GALNT10: variants seen among roughly 807,000 people sequenced by gnomAD.
The protein encoded by GALNT10 is polypeptide N-acetylgalactosaminyltransferase 10.
In GALNT10, 41 loss-of-function variants were observed where a neutral mutation model predicts 75.0. That is an observed-to-expected ratio of 0.55 (90% confidence interval 0.43 to 0.71). The LOEUF (loss-of-function observed/expected upper bound fraction) is 0.71, where lower values mean the gene tolerates loss of function less well. Among genes scored for constraint, GALNT10 ranks in the 30% least tolerant of loss-of-function variants. The pLI is 0.00. For missense variants in GALNT10, 727 were observed against 818.5 expected (o/e 0.89, Z 1.36); for synonymous variants, 302 against 313.0 (o/e 0.96, Z 0.37).
At chr5:154,283,220 G>A (rs925311786) in intron 1 of GALNT10, among the ~76,000 whole-genome samples, 10 of 143,930 alleles carry the variant, frequency 6.9e-5, no homozygotes, top group African/African-American at 2.1e-4. Flanking sequence ...CAGGTGGGAC[G>A]ATCACCTAAG....
chr5:154,278,381 G>A (rs1327604664), intron 1 of GALNT10, among the ~76,000 whole-genome samples: 1 of 152,158 alleles, frequency 6.6e-6, no homozygotes, highest in Non-Finnish European at 1.5e-5. Flanking sequence ...ATAAACTTGT[G>A]AAATGCTGGA....
chr5:154,300,128 G>T (rs1235976681), intron 3 of GALNT10, among the ~76,000 whole-genome samples: 1 of 152,106 alleles, frequency 6.6e-6, no homozygotes, highest in Admixed American at 6.5e-5. Flanking sequence ...GAGCCACCGT[G>T]CCTGGCCAAG....
At chr5:154,237,036 T>C (rs1419778898) in intron 1 of GALNT10, among the ~76,000 whole-genome samples, 1 of 152,142 alleles carries the variant, frequency 6.6e-6, no homozygotes, top group African/African-American at 2.4e-5. Context: ...AGCCGTGAGA[T>C]TGGCAAAGAT....
intron 4 of GALNT10, among the ~76,000 whole-genome samples, chr5:154,358,169 T>C (rs1755325113): frequency 6.6e-6 from 1 of 152,144 alleles, no homozygotes; most frequent in South Asian, 2.1e-4. Flanking sequence ...TGGGAGGGAA[T>C]TGTGTGTAGC....
intron 1 of GALNT10, among the ~76,000 whole-genome samples, chr5:154,201,845 T>C (rs750259692): frequency 6.6e-6 from 1 of 151,850 alleles, no homozygotes; most frequent in Non-Finnish European, 1.5e-5. Context: ...AGGAGAATCA[T>C]TTGAAGCTGG....
intron 3 of GALNT10, among the ~76,000 whole-genome samples, chr5:154,311,230 T>C (rs1754511641): frequency 1.3e-5 from 2 of 152,214 alleles, no homozygotes; most frequent in Admixed American, 1.3e-4. Flanking sequence ...ATTTGTCGAG[T>C]GCTCCTATTT....
At chr5:154,326,253 TG>T (rs1485851789) in intron 3 of GALNT10, among the ~76,000 whole-genome samples, 1 of 152,148 alleles carries the variant, frequency 6.6e-6, no homozygotes, top group African/African-American at 2.4e-5. Context: ...TAGCAAGAAT[TG>T]GTGAGGATGT....
At chr5:154,329,327 C>A in intron 3 of GALNT10, 1 of 478,964 alleles carries the variant, frequency 2.1e-6, no homozygotes, top group East Asian at 3.3e-5. Context: ...CATGAAATCA[C>A]AACTATTCAA....
intron 4 of GALNT10, among the ~76,000 whole-genome samples, chr5:154,339,450 A>C (rs1180056134): frequency 6.6e-6 from 1 of 151,176 alleles, no homozygotes; most frequent in African/African-American, 2.5e-5. Context: ...TTTGGTGGAC[A>C]TCTGGTAGAA....
At chr5:154,361,981 G>T (rs941476385) in intron 4 of GALNT10, among the ~76,000 whole-genome samples, 4 of 152,074 alleles carry the variant, frequency 2.6e-5, no homozygotes, top group African/African-American at 7.3e-5. Flanking sequence ...GTCATCTATG[G>T]CTCCACCCAG....
chr5:154,239,202 CTT>C (rs1299246252), intron 1 of GALNT10, among the ~76,000 whole-genome samples: 1 of 152,100 alleles, frequency 6.6e-6, no homozygotes, highest in Non-Finnish European at 1.5e-5. Flanking sequence ...TAAGTACTGT[CTT>C]TATTTATAGT....
chr5:154,313,624 C>T (rs1754556665), intron 3 of GALNT10, among the ~76,000 whole-genome samples: 2 of 152,174 alleles, frequency 1.3e-5, no homozygotes, highest in Non-Finnish European at 1.5e-5. Context: ...TGGCAAAGGG[C>T]TTTCATAAAG....
intron 4 of GALNT10, among the ~76,000 whole-genome samples, chr5:154,344,894 T>C (rs1372719477): frequency 6.6e-6 from 1 of 152,150 alleles, no homozygotes. Flanking sequence ...GTGCTCCACC[T>C]TCAGGGAGCA....
intron 1 of GALNT10, among the ~76,000 whole-genome samples, chr5:154,274,437 A>T (rs1374570605): frequency 6.6e-6 from 1 of 152,214 alleles, no homozygotes; most frequent in Non-Finnish European, 1.5e-5. Flanking sequence ...TGTAAAAAGG[A>T]GAACTACTAG....
intron 2 of GALNT10, 104 bp from the exon 3 acceptor site, chr5:154,297,837 A>G: frequency 9.6e-7 from 1 of 1,042,858 alleles, no homozygotes; most frequent in Non-Finnish European, 1.4e-6. Context: ...ATCCAAATCA[A>G]GTTTTATCTT....
intron 1 of GALNT10, among the ~76,000 whole-genome samples, chr5:154,260,193 AAG>A (rs1753682020): frequency 1.3e-5 from 2 of 152,178 alleles, no homozygotes; most frequent in South Asian, 4.1e-4. Flanking sequence ...CAGAAAATAA[AAG>A]AGAGAGACAG....
Position 154,190,926 on chromosome 5 carries a change from C to A in GALNT10, c.60C>A (p.Val20=). The change falls in exon 1 of 12, where the codon GTC becomes GTA. Residue 20 remains valine (V), a synonymous_variant. Coordinates refer to ENST00000297107, the MANE Select transcript of GALNT10 (RefSeq NM_198321.4). ...TGGCGCTGGTGCTGGCGGCCCTGGT[C>A]CTCCTGCCCAACGTGGGGCTTTGGG... ...QAVALVLAAL[V]LLPNVGLWAL... is the part of the protein sequence containing the mutation. 1 of 1,501,904 alleles carries A rather than the reference C, an allele frequency of 6.7e-7. No individual in the cohort carries two copies. Among genetic ancestry groups the A allele is most frequent in the East Asian group, 2.6e-5 (1 of 37,952 alleles). The allele number at this position is 1,501,904 out of a possible 1,614,324, so 93.0% of individuals were successfully genotyped here. A position where few individuals can be genotyped will look rare whatever the true frequency, so the allele number is the denominator to read the frequency against.
chr5:154,410,474 C>T (rs1173781728), intron 9 of GALNT10, among the ~76,000 whole-genome samples: 1 of 152,116 alleles, frequency 6.6e-6, no homozygotes, highest in Non-Finnish European at 1.5e-5. Flanking sequence ...ACTGCTTGAG[C>T]CCAGGAGGTC....
At chr5:154,344,453 G>A (rs898847018) in intron 4 of GALNT10, among the ~76,000 whole-genome samples, 9 of 151,922 alleles carry the variant, frequency 5.9e-5, no homozygotes, top group South Asian at 2.1e-4. Context: ...CTTGTGATCC[G>A]CCCACCTTGG....
Sources: gnomAD v4.1 joint callset for allele counts (sites outside exome capture counted in the v4.1 genomes callset) on GRCh38, gnomAD v4.1.1 for gene constraint, MANE v1.5 for transcripts, NCBI Gene and HGNC (gene_info 2026-07-23, HGNC 2026-07-21) for gene names.